The following ANTXR1 variants were observed in gnomAD, a reference collection of about 807,000 sequenced individuals.
The protein encoded by ANTXR1 is anthrax toxin receptor 1.
A neutral mutation model predicts 78.1 loss-of-function variants in ANTXR1; 19 were observed. The ratio of observed to expected loss-of-function variants is 0.24; its 90% CI spans 0.17 to 0.36. ANTXR1 has a LOEUF of 0.36. Among genes scored for constraint, ANTXR1 ranks in the 10% least tolerant of loss-of-function variants. ANTXR1 has a pLI of 1.00. For synonymous variants in ANTXR1, 273 were observed against 260.5 expected, an observed-to-expected ratio of 1.05 and a Z score of -0.46; for missense variants, 518 against 718.6, an observed-to-expected ratio of 0.72 and a Z score of 3.19.
intron 17 of ANTXR1, among the ~76,000 whole-genome samples, chr2:69,217,992 T>A (rs1441032799): frequency 1.3e-5 from 2 of 152,212 alleles, no homozygotes; most frequent in Non-Finnish European, 2.9e-5. Context: ...GCACACAGGT[T>A]ATCTCATGGA....
At chr2:69,140,150 G>T (rs1289833637) in intron 12 of ANTXR1, among the ~76,000 whole-genome samples, 3 of 152,224 alleles carry the variant, frequency 2.0e-5, no homozygotes, top group Admixed American at 1.3e-4. Flanking sequence ...AGGGTGACAA[G>T]AGTACCACAA....
chr2:69,053,200 T>C (rs924590886), intron 3 of ANTXR1, among the ~76,000 whole-genome samples: 20 of 152,192 alleles, frequency 1.3e-4, no homozygotes, highest in Admixed American at 9.8e-4. Flanking sequence ...GGCTTTTCAG[T>C]ACTGGGATTT....
At chr2:69,141,874 C>G (rs571837519) in intron 12 of ANTXR1, among the ~76,000 whole-genome samples, 1 of 152,302 alleles carries the variant, frequency 6.6e-6, no homozygotes, top group East Asian at 1.9e-4. Context: ...CTCTCACTGC[C>G]TCCAGGCCCC....
intron 17 of ANTXR1, among the ~76,000 whole-genome samples, chr2:69,199,892 T>G (rs1056514992): frequency 1.3e-5 from 2 of 152,216 alleles, no homozygotes; most frequent in African/African-American, 4.8e-5. Context: ...GATAGGCTGA[T>G]CACACTCTTC....
chr2:69,124,515 T>C, intron 11 of ANTXR1, 50 bp from the exon 12 acceptor site: 1 of 1,532,782 alleles, frequency 6.5e-7, no homozygotes, highest in Non-Finnish European at 9.0e-7. Context: ...CTCAGCCTGT[T>C]GCTCATTGCA....
intron 5 of ANTXR1, among the ~76,000 whole-genome samples, chr2:69,072,793 A>C (rs1256913358): frequency 6.6e-6 from 1 of 152,250 alleles, no homozygotes; most frequent in Non-Finnish European, 1.5e-5. Context: ...GCCATTTTTC[A>C]AGATGAGGCT....
rs191783904 is a variant in ANTXR1, at chr2:69,241,259, C to A, written c.1435-3966C>A. Among the ~76,000 whole-genome samples, 6 of 152,294 alleles carry A rather than the reference C, an allele frequency of 3.9e-5. No homozygotes were observed. The East Asian group carries it at 1.2e-3, about 29-fold the overall frequency. Reference sequence around the variant, plus strand: ...GGTGCAGATTTGCTGGCCTACATGACGGTGAGAACATCTGGCCTTTCTATT... The same window carrying A: ...GGTGCAGATTTGCTGGCCTACATGAAGGTGAGAACATCTGGCCTTTCTATT... On this transcript the variant is annotated intron_variant, in intron 17 of 17. Coordinates refer to ENST00000303714, the MANE Select transcript of ANTXR1 (RefSeq NM_032208.3).
intron 5 of ANTXR1, among the ~76,000 whole-genome samples, chr2:69,072,522 A>C (rs72897316): frequency 0.021 from 3,229 of 152,304 alleles, 107 homozygotes; most frequent in African/African-American, 0.072. Context: ...AATCACTGAA[A>C]TAATTCTAGT....
intron 12 of ANTXR1, among the ~76,000 whole-genome samples, chr2:69,131,369 T>C (rs957234934): frequency 6.6e-6 from 1 of 152,216 alleles, no homozygotes; most frequent in African/African-American, 2.4e-5. Context: ...AGCCACAGAC[T>C]TGTTCATTAT....
intron 17 of ANTXR1, among the ~76,000 whole-genome samples, chr2:69,218,498 G>GTAGT (rs1485118857): frequency 6.6e-6 from 1 of 152,212 alleles, no homozygotes; most frequent in African/African-American, 2.4e-5. Flanking sequence ...AAATGCAGGT[G>GTAGT]TAGTTAGCCC....
At chr2:69,119,277 G>A (rs13006289) in intron 10 of ANTXR1, among the ~76,000 whole-genome samples, 27,126 of 152,088 alleles carry the variant, frequency 0.18, 3,061 homozygotes, top group East Asian at 0.47. Flanking sequence ...GCGCTGCCTC[G>A]GATGCTCTCC....
chr2:69,118,246 C>CAAAAAAAAAAA (rs61565815), intron 10 of ANTXR1, among the ~76,000 whole-genome samples: 13 of 94,922 alleles, frequency 1.4e-4, no homozygotes, highest in African/African-American at 4.0e-4. Context: ...CTTGTCTCTA[C>CAAAAAAAAAAA]AAAAAAAAAA....
At chr2:69,148,950 A>C (rs1254720589) in intron 12 of ANTXR1, among the ~76,000 whole-genome samples, 3 of 152,310 alleles carry the variant, frequency 2.0e-5, no homozygotes, top group Middle Eastern at 3.4e-3. Context: ...GACCCTCAAT[A>C]AACGTTTGCT....
chr2:69,143,581 G>A (rs997937041), intron 12 of ANTXR1, among the ~76,000 whole-genome samples: 10 of 152,096 alleles, frequency 6.6e-5, no homozygotes, highest in African/African-American at 2.4e-4. Flanking sequence ...ATATCTAGAT[G>A]AGAGTTTAAA....
In ANTXR1 at chr2:69,092,642, A is replaced by T. The variant is rs200365114; in HGVS notation, c.703+1723A>T. The stretch of plus-strand genomic sequence containing the variant: ...GCAGGGGTAAATGTGATTGCCACAG[A>T]GGTAGATCGGTGAGAATCTCTTTAA... On this transcript the variant is annotated intron_variant, in intron 9 of 17. Transcript: ENST00000303714. Among the ~76,000 whole-genome samples the T allele has an allele frequency of 2.6e-5, 4 of 152,234 alleles. No individual in the cohort carries two copies. In the East Asian group the frequency reaches 7.7e-4, roughly 29 times the overall value.
intron 12 of ANTXR1, among the ~76,000 whole-genome samples, chr2:69,140,166 C>T (rs867272974): frequency 2.0e-5 from 3 of 152,198 alleles, no homozygotes; most frequent in African/African-American, 4.8e-5. Flanking sequence ...CACAAGAGTA[C>T]TTATCACCTT....
intron 13 of ANTXR1, among the ~76,000 whole-genome samples, chr2:69,163,424 A>G (rs1452483029): frequency 6.6e-6 from 1 of 152,130 alleles, no homozygotes; most frequent in Non-Finnish European, 1.5e-5. Context: ...CATGCCTCTA[A>G]TCCCCTCTAA....
At chr2:69,096,643 T>A (rs376985380) in intron 9 of ANTXR1, among the ~76,000 whole-genome samples, 3 of 152,290 alleles carry the variant, frequency 2.0e-5, no homozygotes, top group East Asian at 3.9e-4. Context: ...TGCATATATA[T>A]TCTTCTTGAT....
intron 4 of ANTXR1, among the ~76,000 whole-genome samples, chr2:69,071,281 A>G (rs1440831258): frequency 6.6e-6 from 1 of 152,236 alleles, no homozygotes; most frequent in Admixed American, 6.5e-5. Flanking sequence ...ACACAAACCT[A>G]GATAGTATAG....
Sources: gnomAD v4.1 joint callset for allele counts (sites outside exome capture counted in the v4.1 genomes callset) on GRCh38, gnomAD v4.1.1 for gene constraint, MANE v1.5 for transcripts, NCBI Gene and HGNC (gene_info 2026-07-23, HGNC 2026-07-21) for gene names.